Variants in DCC observed in about 807,000 individuals in gnomAD.
The protein encoded by DCC is netrin receptor DCC.
A neutral mutation model predicts 172.5 loss-of-function variants in DCC; 58 were observed. That is an observed-to-expected ratio of 0.34 (90% CI 0.27 to 0.42). The LOEUF is 0.42. Among genes scored for constraint, DCC ranks in the 10% least tolerant of loss-of-function variants. DCC has a pLI of 1.00. For synonymous variants in DCC, 709 were observed against 644.5 expected (o/e 1.10, Z -1.52); for missense variants, 1,740 against 1,791.0 (o/e 0.97, Z 0.51).
At position 52,340,875 on chromosome 18, in the gene DCC, A is replaced by ACC; in HGVS notation, c.89_90dup (p.Gly31ProfsTer42). Reference sequence around the variant, plus strand: ...CTTGTTCAGCGCGCATCTTCAAGTAACCGGTAAGTGGCTCTTTCCTTTCTT... The same window carrying ACC: ...CTTGTTCAGCGCGCATCTTCAAGTAACCCCGGTAAGTGGCTCTTTCCTTTCTT... On this transcript the variant is annotated frameshift_variant, in exon 1 of 29. Transcript: ENST00000442544. LOFTEE classifies it high-confidence loss of function. 6.2e-7 allele frequency: 1 copy of ACC among 1,611,762 alleles called. No individual in the cohort carries two copies.
intron 2 of DCC, among the ~76,000 whole-genome samples, chr18:52,797,557 C>A (rs2037898965): frequency 6.6e-6 from 1 of 152,156 alleles, no homozygotes; most frequent in African/African-American, 2.4e-5. Flanking sequence ...GCTTAGACTG[C>A]AATTGTTAAT....
chr18:53,285,658 T>C (rs992033370), intron 12 of DCC, among the ~76,000 whole-genome samples: 1 of 152,162 alleles, frequency 6.6e-6, no homozygotes, highest in Non-Finnish European at 1.5e-5. Flanking sequence ...AGTGGAGCTA[T>C]GAGAAGAGCA....
intron 1 of DCC, among the ~76,000 whole-genome samples, chr18:52,696,065 A>G (rs2036006884): frequency 6.6e-6 from 1 of 152,240 alleles, no homozygotes; most frequent in Non-Finnish European, 1.5e-5. Flanking sequence ...AACTTCAAAC[A>G]AACAAGAAAT....
At chr18:53,434,435 G>A (rs1911814024) in intron 21 of DCC, among the ~76,000 whole-genome samples, 1 of 152,092 alleles carries the variant, frequency 6.6e-6, no homozygotes, top group South Asian at 2.1e-4. Flanking sequence ...TTAAATTTTG[G>A]ATGATAGTAT....
At chr18:52,460,472 A>G (rs1988596847) in intron 1 of DCC, among the ~76,000 whole-genome samples, 1 of 151,758 alleles carries the variant, frequency 6.6e-6, no homozygotes, top group South Asian at 2.1e-4. Flanking sequence ...TTTTTAGTTT[A>G]TTGCTGGTGT....
intron 5 of DCC, among the ~76,000 whole-genome samples, chr18:52,963,584 G>A (rs2040881170): frequency 6.6e-6 from 1 of 152,150 alleles, no homozygotes; most frequent in African/African-American, 2.4e-5. Context: ...GAAGCAGGAT[G>A]AAGGTGGAGG....
intron 7 of DCC, among the ~76,000 whole-genome samples, chr18:53,077,093 TA>T (rs1172413492): frequency 6.6e-6 from 1 of 152,060 alleles, no homozygotes; most frequent in Non-Finnish European, 1.5e-5. Flanking sequence ...GATTTTTTTT[TA>T]ACTTGGTGTT....
chr18:52,668,195 A>T (rs984774005), intron 1 of DCC, among the ~76,000 whole-genome samples: 4 of 152,180 alleles, frequency 2.6e-5, no homozygotes, highest in Admixed American at 6.5e-5. Context: ...AAAAGAGGTG[A>T]CTTTTTGATG....
intron 1 of DCC, among the ~76,000 whole-genome samples, chr18:52,737,926 A>G (rs1268900721): frequency 6.6e-6 from 1 of 152,178 alleles, no homozygotes; most frequent in Non-Finnish European, 1.5e-5. Flanking sequence ...CTCGCTGTCA[A>G]TCAGCAGTAT....
chr18:52,661,511 C>A (rs1768763600), intron 1 of DCC, among the ~76,000 whole-genome samples: 1 of 152,188 alleles, frequency 6.6e-6, no homozygotes, highest in African/African-American at 2.4e-5. Flanking sequence ...ATCCTCTGGG[C>A]TCTTCTCATG....
chr18:53,187,221 C>A (rs954967449), intron 9 of DCC, among the ~76,000 whole-genome samples: 1 of 150,984 alleles, frequency 6.6e-6, no homozygotes, highest in African/African-American at 2.4e-5. Flanking sequence ...GTCCTGAGTT[C>A]GTGTGATTCT....
intron 1 of DCC, among the ~76,000 whole-genome samples, chr18:52,433,135 G>A (rs1412621136): frequency 6.6e-6 from 1 of 151,998 alleles, no homozygotes; most frequent in Non-Finnish European, 1.5e-5. Flanking sequence ...TATTTAACCA[G>A]GTATTTGAGA....
chr18:52,876,772 G>A (rs1040046582), intron 2 of DCC, among the ~76,000 whole-genome samples: 1 of 152,136 alleles, frequency 6.6e-6, no homozygotes, highest in African/African-American at 2.4e-5. Context: ...TACATGCATT[G>A]TGCTCAGGAG....
intron 1 of DCC, among the ~76,000 whole-genome samples, chr18:52,563,969 G>A (rs962568321): frequency 6.6e-6 from 1 of 152,138 alleles, no homozygotes; most frequent in African/African-American, 2.4e-5. Flanking sequence ...ATGTAGAAAA[G>A]TAGGTCACCG....
intron 5 of DCC, among the ~76,000 whole-genome samples, chr18:52,955,171 G>T (rs942334278): frequency 1.3e-5 from 2 of 152,144 alleles, no homozygotes; most frequent in Non-Finnish European, 2.9e-5. Context: ...CATCATGCAT[G>T]ATAGTTTCAT....
At chr18:53,222,070 C>CT (rs1245115382) in intron 12 of DCC, among the ~76,000 whole-genome samples, 18 of 152,204 alleles carry the variant, frequency 1.2e-4, no homozygotes, top group African/African-American at 4.3e-4. Context: ...GATTCTTAGA[C>CT]TTTTTTTGAA....
intron 12 of DCC, among the ~76,000 whole-genome samples, chr18:53,239,999 A>G (rs191030387): frequency 1.4e-5 from 2 of 147,830 alleles, no homozygotes; most frequent in Non-Finnish European, 3.0e-5. Context: ...AAAAACATTT[A>G]GACATTCAAA....
At chr18:52,828,494 A>G (rs141747842) in intron 2 of DCC, among the ~76,000 whole-genome samples, 196 of 152,106 alleles carry the variant, frequency 1.3e-3, no homozygotes, top group Non-Finnish European at 1.8e-3. Flanking sequence ...TCTAGTTGCT[A>G]TTGTCTTAAA....
chr18:52,408,305 A>G (rs548420340), intron 1 of DCC, among the ~76,000 whole-genome samples: 1,215 of 77,182 alleles, frequency 0.016, 8 homozygotes, highest in Non-Finnish European at 0.028. Flanking sequence ...TAGTTAGAAG[A>G]CATTTTAATT....
Sources: allele counts gnomAD v4.1 joint callset (sites outside exome capture counted in the v4.1 genomes callset), GRCh38; gene constraint gnomAD v4.1.1; transcripts MANE v1.5; gene names NCBI Gene and HGNC (gene_info 2026-07-23, HGNC 2026-07-21).